The following ERBIN variants were observed in gnomAD, a reference collection of about 807,000 sequenced individuals.
ERBIN encodes erbb2 interacting protein.
In ERBIN, 60 loss-of-function variants were observed where a neutral mutation model predicts 158.4. That is an observed-to-expected ratio of 0.38 (90% CI 0.31 to 0.47). The LOEUF (loss-of-function observed/expected upper bound fraction) is 0.47, where lower values mean the gene tolerates loss of function less well. Among genes scored for constraint, ERBIN ranks in the 20% least tolerant of loss-of-function variants. The pLI, the probability that ERBIN is intolerant of heterozygous loss-of-function variation, is 0.99. For synonymous variants in ERBIN, 594 were observed against 557.2 expected (o/e 1.07, Z -0.93); for missense variants, 1,610 against 1,648.0 (o/e 0.98, Z 0.40).
rs1490352853 is a variant in ERBIN at position 65,934,053 on chromosome 5, C to T, written c.-58+7247C>T. 6.6e-5 allele frequency among the ~76,000 whole-genome samples: 10 copies of T among 152,060 alleles called. No individual in the cohort carries two copies. The East Asian group carries it at 7.7e-4, about 12-fold the overall frequency. ...CTGAGACTATAGACGCCCGCCACCA[C>T]GCCTGGCTAATTTTTTGTATTTTTA... On this transcript the variant is annotated intron_variant, in intron 1 of 25. Transcript: ENST00000284037.
intron 1 of ERBIN, among the ~76,000 whole-genome samples, chr5:65,937,759 A>G (rs1463627441): frequency 2.0e-5 from 3 of 152,130 alleles, no homozygotes; most frequent in Non-Finnish European, 4.4e-5. Context: ...ATACAAAAAA[A>G]TTAGCGGGGT....
chr5:65,964,245 C>T (rs1748273965), intron 1 of ERBIN, among the ~76,000 whole-genome samples: 1 of 152,216 alleles, frequency 6.6e-6, no homozygotes, highest in Non-Finnish European at 1.5e-5. Context: ...ACATTTGCTT[C>T]AAAGCAGCTA....
At chr5:66,048,052 T>G (rs995229925) in intron 18 of ERBIN, among the ~76,000 whole-genome samples, 2 of 151,962 alleles carry the variant, frequency 1.3e-5, no homozygotes, top group African/African-American at 4.8e-5. Flanking sequence ...TGGAAAATTT[T>G]AATTCGCAGA....
intron 1 of ERBIN, among the ~76,000 whole-genome samples, chr5:65,943,264 A>T (rs1309442602): frequency 2.0e-5 from 3 of 152,192 alleles, no homozygotes; most frequent in African/African-American, 7.2e-5. Flanking sequence ...GAGAAGGAGG[A>T]ATTGGGAATA....
chr5:66,032,428 T>C (rs1480868570), intron 14 of ERBIN, among the ~76,000 whole-genome samples: 1 of 152,174 alleles, frequency 6.6e-6, no homozygotes, highest in Non-Finnish European at 1.5e-5. Flanking sequence ...AGGGGCACCA[T>C]TGATAATTAC....
Position 66,043,142 on chromosome 5 carries a change from G to T in ERBIN, c.1372G>T (p.Ala458Ser). Residue 458 changes from alanine to serine, a missense_variant, in exon 16 of 26, where the codon GCT becomes TCT. Coordinates refer to ENST00000284037, the MANE Select transcript of ERBIN (RefSeq NM_001253697.2). ...SLWEEQRKQR[A>S]QVAFECDEDK... is the part of the protein sequence containing the mutation. Reference sequence around the variant, plus strand: ...GTGGGAGGAACAGAGGAAACAGCGGGCTCAAGTTGCATTTGAATGTGATGA... The same window carrying T: ...GTGGGAGGAACAGAGGAAACAGCGGTCTCAAGTTGCATTTGAATGTGATGA... The T allele has an allele frequency of 6.2e-7, 1 of 1,613,084 alleles. No homozygotes were observed. Among genetic ancestry groups the T allele is most frequent in the Non-Finnish European group, 8.5e-7 (1 of 1,179,158 alleles).
At position 66,053,751 on chromosome 5, in the gene ERBIN, C is replaced by T. The variant is rs766588867; in HGVS notation, c.2433C>T (p.Asn811=). Residue 811 remains asparagine, a synonymous_variant, in exon 21 of 26, where the codon AAC becomes AAT. Coordinates refer to ENST00000284037, the MANE Select transcript of ERBIN (RefSeq NM_001253697.2). ...KEETEHLENG[N]KYPNLESVNK... ...AAACTGAGCACTTGGAAAATGGAAACAAGTATCCTAATTTGGAATCCGTAA... is the reference window on the plus strand; with the variant it reads ...AAACTGAGCACTTGGAAAATGGAAATAAGTATCCTAATTTGGAATCCGTAA... 6.2e-7 allele frequency: 1 copy of T among 1,613,700 alleles called. No individual in the cohort carries two copies. The highest frequency in any genetic ancestry group is 2.2e-5 in the East Asian group (1 of 44,862).
intron 1 of ERBIN, among the ~76,000 whole-genome samples, chr5:65,937,513 C>T (rs1170020797): frequency 6.6e-6 from 1 of 152,106 alleles, no homozygotes; most frequent in Non-Finnish European, 1.5e-5. Flanking sequence ...ATTTTGACCT[C>T]TCTCCCCTTC....
chr5:65,958,479 G>A (rs925897830), intron 1 of ERBIN, among the ~76,000 whole-genome samples: 1 of 152,194 alleles, frequency 6.6e-6, no homozygotes, highest in African/African-American at 2.4e-5. Context: ...AAACCAGTCA[G>A]GCGGGGCGGT....
intron 20 of ERBIN, 42 bp from the exon 21 acceptor site, chr5:66,053,364 C>T (rs982436257): frequency 8.0e-7 from 1 of 1,243,242 alleles, no homozygotes; most frequent in South Asian, 2.0e-5. Context: ...ACTAAGAAAA[C>T]TCGGCTTTAT....
chr5:66,021,239 A>G (rs1755649095), intron 7 of ERBIN, 83 bp from the exon 8 acceptor site: 1 of 753,344 alleles, frequency 1.3e-6, no homozygotes, highest in Non-Finnish European at 2.1e-6. Flanking sequence ...TACCTATTCC[A>G]TAAGAATGTT....
Position 66,048,786 on chromosome 5 carries a change from G to C in ERBIN, c.1903+5G>C. The C allele has an allele frequency of 6.6e-7, 1 of 1,524,872 alleles. No individual in the cohort carries two copies. 94.5% of individuals were successfully genotyped at this position (1,524,872 alleles called of 1,614,324 possible). A position where few individuals can be genotyped will look rare whatever the true frequency, so the allele number is the denominator to read the frequency against. ...CACTTAGTAATAACAAAAAAGGTTA[G>C]ATGTTAAAGGAAAGTGCTAAGAATA... On this transcript the variant is annotated splice_donor_5th_base_variant and intron_variant, in intron 19 of 25. Coordinates refer to ENST00000284037, the MANE Select transcript of ERBIN (RefSeq NM_001253697.2).
chr5:66,053,009 T>G (rs1759196167), intron 20 of ERBIN, among the ~76,000 whole-genome samples: 1 of 152,214 alleles, frequency 6.6e-6, no homozygotes, highest in Non-Finnish European at 1.5e-5. Context: ...TTTACTCCAC[T>G]ATTCATGTTA....
chr5:66,065,650 TGTGTG>T (rs1760914612), intron 21 of ERBIN, among the ~76,000 whole-genome samples: 1 of 136,998 alleles, frequency 7.3e-6, no homozygotes, highest in East Asian at 2.1e-4. Context: ...TGTGTGTGTG[TGTGTG>T]TGTGTTTTGC....
In ERBIN at chr5:66,033,340, T is replaced by C. The variant is rs79080919; in HGVS notation, c.1206+4997T>C. On this transcript the variant is annotated intron_variant, in intron 14 of 25. Coordinates refer to ENST00000284037, the MANE Select transcript of ERBIN (RefSeq NM_001253697.2). ...CAAAAGGAATTATATAAAATAACTT[T>C]TAAAATGTTAGTGATGCATGATGAA... Among the ~76,000 whole-genome samples the C allele has an allele frequency of 1.3e-3, 192 of 152,320 alleles. 1 individual carries two copies. The highest frequency in any genetic ancestry group is 2.2e-3 in the Non-Finnish European group (151 of 68,032).
rs1385202443 is a variant in ERBIN at position 66,054,595 on chromosome 5, T to A, written c.3277T>A (p.Ser1093Thr). ...CTCTGTAAATCTTGGTGATCCAGGC[T>A]CTACAAGGCGGGCTCAGATTCCTGA... ...TASVNLGDPG[S>T]TRRAQIPEGD... Residue 1093 changes from serine to threonine, a missense_variant, in exon 21 of 26, where the codon TCT becomes ACT. This residue lies in a region of ERBIN where 1,014 missense variants were observed against 936.1 expected (regional missense o/e 1.08). Transcript: ENST00000284037. The A allele has an allele frequency of 6.2e-7, 1 of 1,613,998 alleles. No individual in the cohort carries two copies. The highest frequency in any genetic ancestry group is 2.2e-5 in the East Asian group (1 of 44,892).
rs778342289 is a variant in ERBIN, at chr5:66,078,403, A to C, written c.4132-20A>C. 1.4e-6 allele frequency: 2 copies of C among 1,436,402 alleles called. No homozygotes were observed. Among genetic ancestry groups the C allele is most frequent in the South Asian group, 2.5e-5 (2 of 80,850 alleles). The allele number at this position is 1,436,402 out of a possible 1,614,324, so 89.0% of individuals were successfully genotyped here. A position where few individuals can be genotyped will look rare whatever the true frequency, so the allele number is the denominator to read the frequency against. Reference sequence around the variant, plus strand: ...AATAACTATAAAATGTTTTTCCTAAAAGCATTTTTCCTCTTCTAGGCTAAT... The same window carrying C: ...AATAACTATAAAATGTTTTTCCTAACAGCATTTTTCCTCTTCTAGGCTAAT... On this transcript the variant is annotated intron_variant, in intron 25 of 25. Coordinates refer to ENST00000284037, the MANE Select transcript of ERBIN (RefSeq NM_001253697.2).
chr5:66,071,875 TA>T (rs1761563178), intron 21 of ERBIN, among the ~76,000 whole-genome samples: 1 of 152,134 alleles, frequency 6.6e-6, no homozygotes, highest in Admixed American at 6.5e-5. Flanking sequence ...TAAGTAAAAC[TA>T]AAAGGAAAAA....
At chr5:66,035,817 G>A (rs1757338804) in intron 14 of ERBIN, among the ~76,000 whole-genome samples, 1 of 152,068 alleles carries the variant, frequency 6.6e-6, no homozygotes, top group South Asian at 2.1e-4. Flanking sequence ...AATCAGACTG[G>A]GCGTGGTGGC....
Sources: gnomAD v4.1 joint callset for allele counts (sites outside exome capture counted in the v4.1 genomes callset) on GRCh38, gnomAD v4.1.1 for gene constraint, gnomAD v4.1.1 regional missense constraint, MANE v1.5 for transcripts, NCBI Gene and HGNC (gene_info 2026-07-23, HGNC 2026-07-21) for gene names.